Variants in COL16A1 observed in about 807,000 individuals in gnomAD.
COL16A1 encodes the protein collagen alpha-1(XVI) chain.
Under a neutral mutation model 266.3 loss-of-function variants are expected in COL16A1, and 189 were observed. The observed-to-expected ratio is 0.71, with a 90% CI of 0.63 to 0.80. The LOEUF is 0.80. Among genes scored for constraint, COL16A1 ranks in the 30% least tolerant of loss-of-function variants. COL16A1 has a pLI of 0.00. For missense variants in COL16A1, 1,928 were observed against 2,122.4 expected, an observed-to-expected ratio of 0.91 and a Z score of 1.80; for synonymous variants, 740 against 782.3, an observed-to-expected ratio of 0.95 and a Z score of 0.90.
intron 69 of COL16A1, 25 bp downstream of exon 69, chr1:31,653,842 C>A (rs757442946): frequency 6.3e-6 from 10 of 1,597,278 alleles, no homozygotes; most frequent in Middle Eastern, 3.3e-4. Flanking sequence ...ACATGTGTCC[C>A]TTGGGAACTG....
rs377432629 is a variant in COL16A1, at chr1:31,680,079, C to A, written c.2633G>T (p.Cys878Phe). 3 of 1,613,738 alleles carry A rather than the reference C, an allele frequency of 1.9e-6. No individual in the cohort carries two copies. The African/African-American group carries it at 4.0e-5, about 22-fold the overall frequency. ...GAAGATGAGGTCTCCTTGAGAGGGG[C>A]AGGAGCACTCCCCTGGCTCACCCTG... is the stretch of plus-strand genomic sequence containing the variant. ...GEKGEPGECSCPSQGDLIFSG... is the reference protein window; with the variant it reads ...GEKGEPGECSFPSQGDLIFSG... Residue 878 changes from cysteine to phenylalanine, a missense_variant, in exon 40 of 71, where the codon TGC (cysteine) becomes TTC (phenylalanine). By Grantham distance (205) the Cys-to-Phe change is radical. Transcript: ENST00000373672.
intron 42 of COL16A1, among the ~76,000 whole-genome samples, chr1:31,678,204 G>A (rs916852701): frequency 6.6e-6 from 1 of 152,164 alleles, no homozygotes; most frequent in Non-Finnish European, 1.5e-5. Flanking sequence ...CGGGGGTGGG[G>A]AGGGAAGATA....
intron 29 of COL16A1, 116 bp from the exon 30 acceptor site, chr1:31,684,972 G>A (rs574800380): frequency 1.8e-5 from 29 of 1,581,034 alleles, no homozygotes; most frequent in Admixed American, 5.1e-5. Flanking sequence ...CTCTGCTTTC[G>A]TGCTAGTGAA....
Position 31,670,412 on chromosome 1 carries a change from G to A in COL16A1, c.3195+190C>T. On this transcript the variant is annotated intron_variant, in intron 49 of 70. Transcript: ENST00000373672. The surrounding 1 kb of genome is among the most constrained non-coding windows in gnomAD (Gnocchi z 4.5). The stretch of plus-strand genomic sequence containing the variant: ...GAGGAGGGAGAGGAGAAAACGGAAA[G>A]GAGTCAGAGACTGGGAGGATGTCCA... 1.8e-6 allele frequency: 1 copy of A among 563,784 alleles called. No homozygotes were observed. Among genetic ancestry groups the A allele is most frequent in the Non-Finnish European group, 2.8e-6 (1 of 351,922 alleles). The allele number at this position is 563,784 out of a possible 1,614,324, so 34.9% of individuals were successfully genotyped here.
At chr1:31,681,200 G>A (rs746014754) in intron 37 of COL16A1, 133 bp from the exon 38 acceptor site, 32 of 1,285,998 alleles carry the variant, frequency 2.5e-5, no homozygotes, top group South Asian at 3.1e-5. Context: ...GAGGGCCCAC[G>A]TTCCAGAGGA....
chr1:31,673,575 T>C (rs1190769375), intron 44 of COL16A1, among the ~76,000 whole-genome samples: 1 of 152,258 alleles, frequency 6.6e-6, no homozygotes, highest in African/African-American at 2.4e-5. Flanking sequence ...TAATAACGAC[T>C]GGCATTTACT....
intron 1 of COL16A1, among the ~76,000 whole-genome samples, chr1:31,702,976 A>T (rs1383280208): frequency 6.6e-6 from 1 of 152,114 alleles, no homozygotes; most frequent in East Asian, 1.9e-4. Flanking sequence ...AGAGCCATAC[A>T]TCGTCTGGCC....
chr1:31,697,823 A>G lies in COL16A1; in HGVS notation c.657+83T>C. The G allele has an allele frequency of 6.8e-7, 1 of 1,461,556 alleles. No individual in the cohort carries two copies. Among genetic ancestry groups the G allele is most frequent in the Non-Finnish European group, 9.2e-7 (1 of 1,087,462 alleles). 90.5% of individuals were successfully genotyped at this position (1,461,556 alleles called of 1,614,324 possible). A position where few individuals can be genotyped will look rare whatever the true frequency, so the allele number is the denominator to read the frequency against. ...GGGGAAGATTCTAAGCAGGAGAAGG[A>G]CTTGTTCCGATACGGATTCCAGGAA... On this transcript the variant is annotated intron_variant, in intron 6 of 70. Coordinates refer to ENST00000373672, the MANE Select transcript of COL16A1 (RefSeq NM_001856.4). This position sits in a 1 kb window ranked among gnomAD's most constrained non-coding sequence, Gnocchi z 4.2.
chr1:31,686,272 A>T lies in COL16A1; in HGVS notation c.1811T>A (p.Phe604Tyr). The change falls in exon 27 of 71, where the codon TTC becomes TAC. Residue 604 changes from phenylalanine to tyrosine, a missense_variant. Physicochemically the swap from Phe to Tyr is conservative, Grantham distance 22 (BLOSUM62 3). Coordinates refer to ENST00000373672, the MANE Select transcript of COL16A1 (RefSeq NM_001856.4). ...ACTGCCAGCTGGCCCTGCCTCCCCGAAGTTACCCTGAGAGAAAGCACAGAA... is the reference window on the plus strand; with the variant it reads ...ACTGCCAGCTGGCCCTGCCTCCCCGTAGTTACCCTGAGAGAAAGCACAGAA... ...VPGLKGEKGN[F>Y]GEAGPAGSPG... 6.2e-7 allele frequency: 1 copy of T among 1,614,202 alleles called. No homozygotes were observed. The highest frequency in any genetic ancestry group is 8.5e-7 in the Non-Finnish European group (1 of 1,180,036).
intron 26 of COL16A1, among the ~76,000 whole-genome samples, chr1:31,687,424 C>T (rs1644040226): frequency 6.7e-6 from 1 of 149,346 alleles, no homozygotes; most frequent in Non-Finnish European, 1.5e-5. Context: ...GACACACACA[C>T]ACACACACAC....
rs1644123049 is a variant in COL16A1 at position 31,688,924 on chromosome 1, A to G, written c.1704T>C (p.Leu568=). ...SCSSVVGAQH[L]VSSTGASGDV... ...CTCCACTGGCCCCTGTGGAGGACAC[A>G]AGATGCTGGGCCCCTACAACCGAGC... The change falls in exon 25 of 71, where the codon CTT becomes CTC. Residue 568 remains leucine (L), a synonymous_variant. Coordinates refer to ENST00000373672, the MANE Select transcript of COL16A1 (RefSeq NM_001856.4). This position sits in a 1 kb window ranked among gnomAD's most constrained non-coding sequence, Gnocchi z 4.9. 3.7e-6 allele frequency: 6 copies of G among 1,614,166 alleles called. No homozygotes were observed. In the East Asian group the frequency reaches 1.3e-4, roughly 36 times the overall value.
chr1:31,672,696 T>C (rs770879470), intron 45 of COL16A1, 28 bp downstream of exon 45: 5 of 1,612,024 alleles, frequency 3.1e-6, no homozygotes, highest in Admixed American at 1.7e-5. Context: ...CCCTCCTGCA[T>C]AGGGCAGCCC....
intron 40 of COL16A1, 30 bp downstream of exon 40, chr1:31,680,012 T>G (rs373127870): frequency 7.4e-6 from 12 of 1,612,630 alleles, no homozygotes; most frequent in Non-Finnish European, 9.3e-6. Context: ...TCTCCCCCAG[T>G]TGGGGGAAGG....
rs1230741207 is a variant in COL16A1, at chr1:31,675,070, G to A, written c.2827-31C>T. The A allele has an allele frequency of 1.9e-6, 3 of 1,612,964 alleles. No individual in the cohort carries two copies. In the Admixed American group the frequency reaches 5.0e-5, roughly 27 times the overall value. On this transcript the variant is annotated intron_variant, in intron 43 of 70. Coordinates refer to ENST00000373672, the MANE Select transcript of COL16A1 (RefSeq NM_001856.4). ...AGAGACAGATGTGTGGGCTCAAGCA[G>A]GTGAGGGGAAGGAACATGGAGACTT...
Position 31,668,689 on chromosome 1 carries a change from A to G in COL16A1, c.3249+113T>C, listed in dbSNP as rs1642365097. 2.6e-6 allele frequency: 3 copies of G among 1,146,670 alleles called. No individual in the cohort carries two copies. Among genetic ancestry groups the G allele is most frequent in the Non-Finnish European group, 3.9e-6 (3 of 763,988 alleles). The allele number at this position is 1,146,670 out of a possible 1,614,324, so 71.0% of individuals were successfully genotyped here. On this transcript the variant is annotated intron_variant, in intron 50 of 70. Coordinates refer to ENST00000373672, the MANE Select transcript of COL16A1 (RefSeq NM_001856.4). This position sits in a 1 kb window ranked among gnomAD's most constrained non-coding sequence, Gnocchi z 5.8. The stretch of plus-strand genomic sequence containing the variant: ...CCCGGCAGAAGGGCAGAGAGTCTCA[A>G]GGAGTCCACCTCCCAGCTTCCACTC...
chr1:31,698,173 C>A lies in COL16A1; in HGVS notation c.391-1G>T. The A allele has an allele frequency of 6.2e-7, 1 of 1,613,464 alleles. No homozygotes were observed. Among genetic ancestry groups the A allele is most frequent in the Non-Finnish European group, 8.5e-7 (1 of 1,179,884 alleles). On this transcript the variant is annotated splice_acceptor_variant, in intron 5 of 70. Transcript: ENST00000373672. LOFTEE classifies it high-confidence loss of function. The surrounding 1 kb of genome is among the most constrained non-coding windows in gnomAD (Gnocchi z 4.1). ...CTTGGCTGTTGACTTCCAGGGATAT[C>A]TGGGTAGAATTTGGAAAGGGAAAGG...
rs754034650 is a variant in COL16A1 at position 31,681,042 on chromosome 1, G to T, written c.2564C>A (p.Thr855Lys). ...ACTCACTGGTGTTCCTCTGAGTCCCGTCTGTCCTTGCTGCCCATCACGGCC... is the reference window on the plus strand; with the variant it reads ...ACTCACTGGTGTTCCTCTGAGTCCCTTCTGTCCTTGCTGCCCATCACGGCC... The part of the protein sequence containing the change: ...PPGRDGQQGQ[T>K]GLRGTPGEKG... The change falls in exon 38 of 71, where the codon ACG becomes AAG. Residue 855 changes from threonine (T) to lysine (K), a missense_variant. Coordinates refer to ENST00000373672, the MANE Select transcript of COL16A1 (RefSeq NM_001856.4). 3 of 1,613,294 alleles carry T rather than the reference G, an allele frequency of 1.9e-6. No individual in the cohort carries two copies. In the African/African-American group the frequency reaches 4.0e-5, roughly 22 times the overall value.
intron 26 of COL16A1, among the ~76,000 whole-genome samples, chr1:31,687,662 G>T (rs1456384387): frequency 6.6e-6 from 1 of 151,814 alleles, no homozygotes; most frequent in African/African-American, 2.4e-5. Flanking sequence ...AGGATCTGAG[G>T]ACGACCGCAA....
rs1640699597 is a variant in COL16A1 at position 31,652,330 on chromosome 1, C to T, written c.*321G>A. ...TGTTGCTTAGACTGGTCTCAAACTCCTGGGCTCAGGCGATCCTCCCACCTC... is the reference window on the plus strand; with the variant it reads ...TGTTGCTTAGACTGGTCTCAAACTCTTGGGCTCAGGCGATCCTCCCACCTC... On this transcript the variant is annotated 3_prime_UTR_variant, in exon 71 of 71. Transcript: ENST00000373672. This position sits in a 1 kb window ranked among gnomAD's most constrained non-coding sequence, Gnocchi z 4.8. The T allele has an allele frequency of 5.5e-6, 1 of 181,630 alleles. No homozygotes were observed. Among genetic ancestry groups the T allele is most frequent in the South Asian group, 1.7e-4 (1 of 5,776 alleles). The allele number at this position is 181,630 out of a possible 1,614,324, so 11.3% of individuals were successfully genotyped here.
Sources: allele counts gnomAD v4.1 joint callset (sites outside exome capture counted in the v4.1 genomes callset), GRCh38; gene constraint gnomAD v4.1.1; non-coding constraint Gnocchi (gnomAD v3.1); transcripts MANE v1.5; gene names NCBI Gene and HGNC (gene_info 2026-07-23, HGNC 2026-07-21).